CDC42EP3: variants seen among roughly 807,000 people sequenced by gnomAD.
The protein encoded by CDC42EP3 is CDC42 effector protein 3.
In CDC42EP3, 4 loss-of-function variants were observed where a neutral mutation model predicts 15.5. The ratio of observed to expected loss-of-function variants is 0.26; its 90% confidence interval spans 0.13 to 0.59. The LOEUF is 0.59. Among genes scored for constraint, CDC42EP3 ranks in the 20% least tolerant of loss-of-function variants. The pLI is 0.89. For missense variants in CDC42EP3, 309 were observed against 311.2 expected, an observed-to-expected ratio of 0.99 and a Z score of 0.05; for synonymous variants, 145 against 130.3, an observed-to-expected ratio of 1.11 and a Z score of -0.77.
intron 1 of CDC42EP3, among the ~76,000 whole-genome samples, chr2:37,670,901 G>C (rs1435842143): frequency 6.6e-6 from 1 of 152,188 alleles, no homozygotes; most frequent in African/African-American, 2.4e-5. Context: ...CCTTGTAAAC[G>C]TCTCAGCTGT....
At chr2:37,667,872 T>C (rs1419706812) in intron 1 of CDC42EP3, among the ~76,000 whole-genome samples, 1 of 152,242 alleles carries the variant, frequency 6.6e-6, no homozygotes, top group Non-Finnish European at 1.5e-5. Context: ...TTCTGCTATT[T>C]AGCTGTGTGA....
In CDC42EP3 at chr2:37,646,516, G is replaced by C; in HGVS notation, c.72C>G (p.Asp24Glu). The C allele has an allele frequency of 6.3e-7, 1 of 1,592,424 alleles. No individual in the cohort carries two copies. The highest frequency in any genetic ancestry group is 8.5e-7 in the Non-Finnish European group (1 of 1,173,206). The change falls in exon 2 of 2, where the codon GAC becomes GAG. Residue 24 changes from aspartate (D) to glutamate (E), a missense_variant. Physicochemically the swap from Asp to Glu is conservative, Grantham distance 45. Transcript: ENST00000295324. The part of the protein sequence containing the change: ...NKKGKKFKLR[D>E]ILSPDMISPP... Reference sequence around the variant, plus strand: ...GACTGATCATATCAGGAGACAGAATGTCCCTCAGTTTAAATTTCTTTCCTT... The same window carrying C: ...GACTGATCATATCAGGAGACAGAATCTCCCTCAGTTTAAATTTCTTTCCTT...
At chr2:37,663,258 CAACA>C (rs1666135450) in intron 1 of CDC42EP3, among the ~76,000 whole-genome samples, 1 of 152,240 alleles carries the variant, frequency 6.6e-6, no homozygotes, top group Admixed American at 6.5e-5. Flanking sequence ...ATGTGTTCAA[CAACA>C]AACATCCATG....
intron 1 of CDC42EP3, among the ~76,000 whole-genome samples, chr2:37,651,971 A>C (rs916136081): frequency 6.6e-6 from 1 of 151,858 alleles, no homozygotes; most frequent in East Asian, 1.9e-4. Context: ...ATCAGGAGAT[A>C]AAGACCATCC....
intron 1 of CDC42EP3, among the ~76,000 whole-genome samples, chr2:37,654,070 G>A (rs537119236): frequency 2.6e-5 from 4 of 152,120 alleles, no homozygotes. Flanking sequence ...AGTATCCAGC[G>A]ACTCCTCCTG....
At chr2:37,672,699 C>A (rs924050089), upstream of CDC42EP3, among the ~76,000 whole-genome samples, 1 of 152,188 alleles carries the variant, frequency 6.6e-6, no homozygotes, top group Non-Finnish European at 1.5e-5. Context: ...CTGGGAGGTC[C>A]CAGCCCGCAT....
chr2:37,671,874 C>G (rs1177640017), upstream of CDC42EP3: 8 of 151,962 alleles, frequency 5.3e-5, no homozygotes, highest in Non-Finnish European at 8.8e-5. Context: ...ATTGTTACCT[C>G]CCCAGCGCCA....
intron 1 of CDC42EP3, among the ~76,000 whole-genome samples, chr2:37,668,797 G>C (rs1406120435): frequency 1.3e-5 from 2 of 152,232 alleles, no homozygotes; most frequent in African/African-American, 4.8e-5. Flanking sequence ...ACAAAAGGCT[G>C]AGAAGAGTGC....
chr2:37,657,592 T>C (rs76043373), intron 1 of CDC42EP3, among the ~76,000 whole-genome samples: 7,521 of 152,236 alleles, frequency 0.049, 670 homozygotes, highest in African/African-American at 0.17. Flanking sequence ...TAGTTTTCTT[T>C]CTGACCATCC....
At position 37,642,849 on chromosome 2, in the gene CDC42EP3, T is replaced by G. The variant is rs1410989729; in HGVS notation, c.*2974A>C. 1 of 152,210 alleles carries G rather than the reference T, an allele frequency of 6.6e-6. No individual in the cohort carries two copies. Among genetic ancestry groups the G allele is most frequent in the Admixed American group, 6.5e-5 (1 of 15,292 alleles). 9.4% of individuals were successfully genotyped at this position (152,210 alleles called of 1,614,324 possible). A position where few individuals can be genotyped will look rare whatever the true frequency, so the allele number is the denominator to read the frequency against. Reference sequence around the variant, plus strand: ...GTTTCTCTTTGCTGTTCAACCAGTGTAGTCTTTTGTGTGTGCTGTTAACAG... The same window carrying G: ...GTTTCTCTTTGCTGTTCAACCAGTGGAGTCTTTTGTGTGTGCTGTTAACAG... On this transcript the variant is annotated 3_prime_UTR_variant, in exon 2 of 2. Transcript: ENST00000295324.
At chr2:37,666,563 A>G (rs1040834499) in intron 1 of CDC42EP3, among the ~76,000 whole-genome samples, 10 of 152,236 alleles carry the variant, frequency 6.6e-5, no homozygotes, top group Non-Finnish European at 1.5e-4. Context: ...GGATTCTAGA[A>G]TTCTATTAAT....
chr2:37,663,655 C>G (rs1404597591), intron 1 of CDC42EP3, among the ~76,000 whole-genome samples: 1 of 152,190 alleles, frequency 6.6e-6, no homozygotes, highest in Non-Finnish European at 1.5e-5. Context: ...TGTTCTGTAG[C>G]CTGGGAAGGA....
chr2:37,658,637 T>TA (rs1314308479), intron 1 of CDC42EP3, among the ~76,000 whole-genome samples: 1 of 152,148 alleles, frequency 6.6e-6, no homozygotes, highest in Non-Finnish European at 1.5e-5. Context: ...GCTTTCCTGG[T>TA]AAATGGCAGA....
At chr2:37,652,587 GGTCAA>G (rs1049589101) in intron 1 of CDC42EP3, among the ~76,000 whole-genome samples, 2 of 151,982 alleles carry the variant, frequency 1.3e-5, no homozygotes, top group African/African-American at 4.8e-5. Flanking sequence ...TGCAACCAAG[GGTCAA>G]GTCATGTGGT....
intron 1 of CDC42EP3, among the ~76,000 whole-genome samples, chr2:37,654,147 C>T (rs1665775919): frequency 6.6e-6 from 1 of 152,134 alleles, no homozygotes; most frequent in Non-Finnish European, 1.5e-5. Flanking sequence ...CGCCTCCCTA[C>T]CCCCAACCAT....
chr2:37,657,776 C>G (rs1270444132), intron 1 of CDC42EP3, among the ~76,000 whole-genome samples: 1 of 152,156 alleles, frequency 6.6e-6, no homozygotes. Flanking sequence ...TTGGCAATGT[C>G]TGGGAATATT....
At chr2:37,671,053 T>C (rs1413800738) in intron 1 of CDC42EP3, among the ~76,000 whole-genome samples, 1 of 152,240 alleles carries the variant, frequency 6.6e-6, no homozygotes, top group Non-Finnish European at 1.5e-5. Context: ...GCGGCCCTGG[T>C]ACCAATCCAT....
chr2:37,659,786 T>C (rs1290133325), intron 1 of CDC42EP3, among the ~76,000 whole-genome samples: 1 of 152,196 alleles, frequency 6.6e-6, no homozygotes, highest in African/African-American at 2.4e-5. Flanking sequence ...GGACAGTCTA[T>C]AGAAAAGGGT....
rs1442720447 is a variant in CDC42EP3, at chr2:37,644,986, T to A, written c.*837A>T. 2 of 152,206 alleles carry A rather than the reference T, an allele frequency of 1.3e-5. No individual in the cohort carries two copies. The highest frequency in any genetic ancestry group is 2.9e-5 in the Non-Finnish European group (2 of 68,032). 9.4% of individuals were successfully genotyped at this position (152,206 alleles called of 1,614,324 possible). A position where few individuals can be genotyped will look rare whatever the true frequency, so the allele number is the denominator to read the frequency against. ...TCATGAGTAACCTGTGCCTTTACACTTTACAATCCGTTATTGGTTGCTGTT... is the reference window on the plus strand; with the variant it reads ...TCATGAGTAACCTGTGCCTTTACACATTACAATCCGTTATTGGTTGCTGTT... On this transcript the variant is annotated 3_prime_UTR_variant, in exon 2 of 2. Transcript: ENST00000295324.
Sources: allele counts gnomAD v4.1 joint callset (sites outside exome capture counted in the v4.1 genomes callset), GRCh38; gene constraint gnomAD v4.1.1; transcripts MANE v1.5; gene names NCBI Gene and HGNC (gene_info 2026-07-23, HGNC 2026-07-21).